PTPRK: variants seen among roughly 807,000 people sequenced by gnomAD.
PTPRK encodes the protein receptor-type tyrosine-protein phosphatase kappa.
In PTPRK, 75 loss-of-function variants were observed where a neutral mutation model predicts 178.0. The observed-to-expected ratio is 0.42, with a 90% CI of 0.35 to 0.51. The LOEUF (loss-of-function observed/expected upper bound fraction) is 0.51. Among genes scored for constraint, PTPRK ranks in the 20% least tolerant of loss-of-function variants. The probability of loss-of-function intolerance (pLI) is 0.02; values close to 1 mark genes in which losing one functional copy is unlikely to be tolerated. For synonymous variants in PTPRK, 637 were observed against 620.6 expected (o/e 1.03, Z -0.39); for missense variants, 1,441 against 1,797.8 (o/e 0.80, Z 3.59).
intron 7 of PTPRK, among the ~76,000 whole-genome samples, chr6:128,172,880 G>A (rs1800506403): frequency 6.6e-6 from 1 of 151,686 alleles, no homozygotes; most frequent in Non-Finnish European, 1.5e-5. Flanking sequence ...CCAAAGAATG[G>A]GCACACCAGC....
chr6:128,286,012 G>A lies in PTPRK; in HGVS notation c.495+36027C>T, dbSNP rs182611235. ...ACTGTTGTTAAATCCCTTTCTGTAC[G>A]GGACCCAGAATCACCTACTTTTAAA... On this transcript the variant is annotated intron_variant, in intron 3 of 29. Coordinates refer to ENST00000368226, the MANE Select transcript of PTPRK (RefSeq NM_002844.4). 6.8e-3 allele frequency among the ~76,000 whole-genome samples: 1,031 copies of A among 152,078 alleles called. 9 individuals carry two copies. The highest frequency in any genetic ancestry group is 9.3e-3 in the Non-Finnish European group (635 of 67,966).
chr6:128,393,085 A>T (rs1050298661), intron 2 of PTPRK, among the ~76,000 whole-genome samples: 53 of 149,322 alleles, frequency 3.5e-4, no homozygotes, highest in African/African-American at 1.2e-3. Context: ...TATGTTCATA[A>T]GGACTTTTTT....
intron 1 of PTPRK, chr6:128,409,478 T>C (rs770323647): frequency 3.2e-5 from 9 of 280,820 alleles, no homozygotes; most frequent in Non-Finnish European, 6.3e-5. Flanking sequence ...TATGAAATGC[T>C]TGAACTATGA....
At chr6:128,034,972 A>G (rs967496554) in intron 13 of PTPRK, among the ~76,000 whole-genome samples, 3 of 152,234 alleles carry the variant, frequency 2.0e-5, no homozygotes, top group African/African-American at 7.2e-5. Context: ...GAAAATTTGC[A>G]AACTACTTAG....
chr6:128,480,873 A>G (rs1309989838), intron 1 of PTPRK, among the ~76,000 whole-genome samples: 1 of 152,008 alleles, frequency 6.6e-6, no homozygotes, highest in African/African-American at 2.4e-5. Flanking sequence ...AAAATCTTAC[A>G]CTGTACTATT....
chr6:128,090,714 C>T (rs373913840), intron 7 of PTPRK, among the ~76,000 whole-genome samples: 8 of 152,120 alleles, frequency 5.3e-5, no homozygotes, highest in Non-Finnish European at 1.0e-4. Flanking sequence ...AGACTAGAAT[C>T]CATCCTTCAC....
intron 1 of PTPRK, among the ~76,000 whole-genome samples, chr6:128,487,029 A>G (rs1853042689): frequency 6.6e-6 from 1 of 151,036 alleles, no homozygotes; most frequent in Non-Finnish European, 1.5e-5. Context: ...AGGATACACA[A>G]GAAAGAAGCT....
At chr6:128,322,507 T>C (rs1441635668) in intron 2 of PTPRK, among the ~76,000 whole-genome samples, 197 bp from the exon 3 acceptor site, 1 of 152,058 alleles carries the variant, frequency 6.6e-6, no homozygotes, top group African/African-American at 2.4e-5. Flanking sequence ...GTGTTCAAAG[T>C]ACACATTCTG....
intron 3 of PTPRK, among the ~76,000 whole-genome samples, chr6:128,279,472 G>GTC (rs1821338216): frequency 1.3e-5 from 2 of 152,140 alleles, no homozygotes; most frequent in African/African-American, 4.8e-5. Context: ...TCAGCTAACT[G>GTC]CAGAATTGCT....
At chr6:128,065,437 C>T (rs1781577014) in intron 12 of PTPRK, among the ~76,000 whole-genome samples, 1 of 152,150 alleles carries the variant, frequency 6.6e-6, no homozygotes. Flanking sequence ...ATTTTTAACG[C>T]TGTCAGGTGG....
At chr6:128,057,066 T>C (rs1443420645) in intron 13 of PTPRK, among the ~76,000 whole-genome samples, 1 of 152,214 alleles carries the variant, frequency 6.6e-6, no homozygotes, top group Non-Finnish European at 1.5e-5. Context: ...CTTTATCTTA[T>C]GTCATAACTC....
intron 2 of PTPRK, among the ~76,000 whole-genome samples, chr6:128,348,651 T>C (rs1044058978): frequency 2.6e-5 from 4 of 152,050 alleles, no homozygotes; most frequent in African/African-American, 9.6e-5. Flanking sequence ...ATTTCCATTC[T>C]TTGAGAAGTT....
intron 2 of PTPRK, among the ~76,000 whole-genome samples, chr6:128,383,157 C>A (rs1838187613): frequency 1.3e-5 from 2 of 152,198 alleles, no homozygotes; most frequent in African/African-American, 4.8e-5. Flanking sequence ...CCTGAATAAT[C>A]CAGTTTAAAA....
At chr6:128,136,231 T>C (rs954953822) in intron 7 of PTPRK, among the ~76,000 whole-genome samples, 4 of 152,218 alleles carry the variant, frequency 2.6e-5, no homozygotes, top group Non-Finnish European at 4.4e-5. Context: ...TCCAGAACCA[T>C]GGTGTTTAAG....
intron 1 of PTPRK, among the ~76,000 whole-genome samples, chr6:128,462,787 C>G (rs1039750909): frequency 1.3e-5 from 2 of 151,940 alleles, no homozygotes; most frequent in African/African-American, 4.8e-5. Flanking sequence ...TCCCAAGTAG[C>G]TGGGATTACA....
intron 7 of PTPRK, among the ~76,000 whole-genome samples, chr6:128,124,194 C>T (rs978182880): frequency 6.6e-6 from 1 of 152,052 alleles, no homozygotes; most frequent in Admixed American, 6.6e-5. Flanking sequence ...CAGGCATGCA[C>T]CACCACAACA....
At chr6:128,328,825 C>A (rs2128324444) in intron 2 of PTPRK, among the ~76,000 whole-genome samples, 1 of 151,966 alleles carries the variant, frequency 6.6e-6, no homozygotes, top group Non-Finnish European at 1.5e-5. Flanking sequence ...AACCATTTCC[C>A]AAAATAAACA....
intron 7 of PTPRK, among the ~76,000 whole-genome samples, chr6:128,166,170 C>A (rs927993855): frequency 1.3e-5 from 2 of 151,698 alleles, no homozygotes; most frequent in East Asian, 3.9e-4. Flanking sequence ...ACAAGGATTG[C>A]CTGAAGGTTA....
Position 128,487,389 on chromosome 6 carries a change from G to A in PTPRK, c.100+32870C>T, listed in dbSNP as rs192859824. Among the ~76,000 whole-genome samples, 7 of 151,354 alleles carry A rather than the reference G, an allele frequency of 4.6e-5. No individual in the cohort carries two copies. In the East Asian group the frequency reaches 1.2e-3, roughly 26 times the overall value. On this transcript the variant is annotated intron_variant, in intron 1 of 29. Coordinates refer to ENST00000368226, the MANE Select transcript of PTPRK (RefSeq NM_002844.4). ...CCTCAAAAACAGCCTCAGAAGCAAA[G>A]CCTTATTCTGACTTTCTCCTGCCCT...
Sources: gnomAD v4.1 joint callset for allele counts (sites outside exome capture counted in the v4.1 genomes callset) on GRCh38, gnomAD v4.1.1 for gene constraint, MANE v1.5 for transcripts, NCBI Gene and HGNC (gene_info 2026-07-23, HGNC 2026-07-21) for gene names.